Variants in CCDC117 observed in about 807,000 individuals in gnomAD.
CCDC117 encodes the protein coiled-coil domain-containing protein 117.
CCDC117 carries 1 observed loss-of-function variant against 23.5 expected under a neutral mutation model. The ratio of observed to expected loss-of-function variants is 0.04; its 90% CI spans 0.02 to 0.20. CCDC117 has a LOEUF of 0.20. CCDC117 is among the 10% of genes least tolerant of loss of function. The pLI is 1.00. For synonymous variants in CCDC117, 132 were observed against 124.8 expected, an observed-to-expected ratio of 1.06 and a Z score of -0.39; for missense variants, 383 against 348.2, an observed-to-expected ratio of 1.10 and a Z score of -0.80.
rs966107121 is a variant in CCDC117 at position 28,787,758 on chromosome 22, C to T, written c.*1432C>T. The stretch of plus-strand genomic sequence containing the variant: ...TTTCTTTATTGCTACAGAGTATCCT[C>T]TATAAGTTATTAAACGAGTGTAATG... On this transcript the variant is annotated 3_prime_UTR_variant, in exon 5 of 5. Transcript: ENST00000249064. The T allele has an allele frequency of 1.3e-5, 2 of 152,296 alleles. No individual in the cohort carries two copies. The highest frequency in any genetic ancestry group is 2.9e-5 in the Non-Finnish European group (2 of 68,016). 9.4% of individuals were successfully genotyped at this position (152,296 alleles called of 1,614,324 possible).
Position 28,772,917 on chromosome 22 carries a change from C to T in CCDC117, c.68C>T (p.Pro23Leu). 1 of 1,227,642 alleles carries T rather than the reference C, an allele frequency of 8.1e-7. No individual in the cohort carries two copies. The highest frequency in any genetic ancestry group is 1.6e-5 in the African/African-American group (1 of 63,976). The allele number at this position is 1,227,642 out of a possible 1,614,324, so 76.0% of individuals were successfully genotyped here. ...GGCGGCTCGGACTTCCTGCAGCCGC[C>T]GCAGCCGGCCTTCCCCGGCCGGGCC... ...LSGGSDFLQPPQPAFPGRAFP... is the reference protein window; with the variant it reads ...LSGGSDFLQPLQPAFPGRAFP... Residue 23 changes from proline (P) to leucine (L), a missense_variant, in exon 1 of 5, where the codon CCG becomes CTG. Pro to Leu is a moderately conservative substitution (Grantham distance 98). Coordinates refer to ENST00000249064, the MANE Select transcript of CCDC117 (RefSeq NM_173510.4).
Position 28,783,578 on chromosome 22 carries a change from G to C in CCDC117, c.535G>C (p.Asp179His). Reference sequence around the variant, plus strand: ...CCATCTCCCCAGTCTTGTCCTTTCTGATACCATGAAAACAGGTTTGAAGAG... The same window carrying C: ...CCATCTCCCCAGTCTTGTCCTTTCTCATACCATGAAAACAGGTTTGAAGAG... Reference protein sequence around the residue: ...VNHLPSLVLSDTMKTGLKREF... With the variant: ...VNHLPSLVLSHTMKTGLKREF... The change falls in exon 4 of 5, where the codon GAT becomes CAT. Residue 179 changes from aspartate (D) to histidine (H), a missense_variant. Transcript: ENST00000249064. 6.2e-7 allele frequency: 1 copy of C among 1,613,630 alleles called. No homozygotes were observed. Among genetic ancestry groups the C allele is most frequent in the Non-Finnish European group, 8.5e-7 (1 of 1,179,644 alleles).
At position 28,777,339 on chromosome 22, in the gene CCDC117, A is replaced by G. The variant is rs116533415; in HGVS notation, c.239+3561A>G. ...TGAGCCACTGCGCCTGGCCTATTCT[A>G]TATCTTAAATTATATTGTCATCATT... On this transcript the variant is annotated intron_variant, in intron 2 of 4. Coordinates refer to ENST00000249064, the MANE Select transcript of CCDC117 (RefSeq NM_173510.4). Among the ~76,000 whole-genome samples, 575 of 150,958 alleles carry G rather than the reference A, an allele frequency of 3.8e-3. 3 individuals carry two copies. Among genetic ancestry groups the G allele is most frequent in the African/African-American group, 0.013 (542 of 41,036 alleles).
chr22:28,779,769 C>T (rs987068235), intron 2 of CCDC117, among the ~76,000 whole-genome samples: 1 of 152,150 alleles, frequency 6.6e-6, no homozygotes, highest in Non-Finnish European at 1.5e-5. Flanking sequence ...CTTTGGCCCT[C>T]AGTTTAAAGA....
Position 28,786,392 on chromosome 22 carries a change from T to A in CCDC117, c.*66T>A. ...TCCTGTGTTCAGTTATGAGACTCTT[T>A]GCATAGTATAGGGACTTGAAAGTTT... On this transcript the variant is annotated 3_prime_UTR_variant, in exon 5 of 5. Coordinates refer to ENST00000249064, the MANE Select transcript of CCDC117 (RefSeq NM_173510.4). 1 of 1,166,370 alleles carries A rather than the reference T, an allele frequency of 8.6e-7. No homozygotes were observed. The highest frequency in any genetic ancestry group is 1.3e-5 in the South Asian group (1 of 74,730). 72.3% of individuals were successfully genotyped at this position (1,166,370 alleles called of 1,614,324 possible).
At chr22:28,779,757 T>C (rs2031267194) in intron 2 of CCDC117, among the ~76,000 whole-genome samples, 1 of 152,214 alleles carries the variant, frequency 6.6e-6, no homozygotes, top group African/African-American at 2.4e-5. Flanking sequence ...TACATGCCTC[T>C]TCTTTGGCCC....
chr22:28,780,260 T>C (rs2031280337), intron 2 of CCDC117, among the ~76,000 whole-genome samples: 1 of 152,218 alleles, frequency 6.6e-6, no homozygotes, highest in South Asian at 2.1e-4. Flanking sequence ...ACCCCACTAT[T>C]GGTTGGACAC....
intron 4 of CCDC117, among the ~76,000 whole-genome samples, chr22:28,784,397 T>C (rs772806163): frequency 6.6e-6 from 1 of 152,260 alleles, no homozygotes; most frequent in Admixed American, 6.5e-5. Context: ...CATTATTCAC[T>C]ATGTAAAATA....
At chr22:28,778,649 CTT>C (rs1281150814) in intron 2 of CCDC117, among the ~76,000 whole-genome samples, 6 of 152,120 alleles carry the variant, frequency 3.9e-5, no homozygotes, top group African/African-American at 1.4e-4. Context: ...GCGGTTCTCT[CTT>C]AAGATGTTAT....
intron 3 of CCDC117, among the ~76,000 whole-genome samples, chr22:28,781,928 C>G (rs1048221954): frequency 1.5e-4 from 23 of 151,828 alleles, no homozygotes; most frequent in African/African-American, 5.6e-4. Context: ...CAGGCGTGAG[C>G]CACACCACCC....
chr22:28,785,734 G>T (rs973319584), intron 4 of CCDC117, among the ~76,000 whole-genome samples: 12 of 152,030 alleles, frequency 7.9e-5, no homozygotes, highest in African/African-American at 2.9e-4. Flanking sequence ...GTTGAAGTGT[G>T]CAATGTTATG....
chr22:28,784,626 T>G (rs1349595719), intron 4 of CCDC117, among the ~76,000 whole-genome samples: 2 of 152,324 alleles, frequency 1.3e-5, no homozygotes, highest in East Asian at 3.9e-4. Flanking sequence ...TAGGGTCCTA[T>G]CTTGAGCTTA....
chr22:28,781,215 G>A (rs2031306670), intron 3 of CCDC117, 43 bp downstream of exon 3: 1 of 1,157,444 alleles, frequency 8.6e-7, no homozygotes, highest in Non-Finnish European at 1.3e-6. Context: ...CTGTTCTCTT[G>A]TAATAACTCT....
Position 28,786,343 on chromosome 22 carries a change from T to A in CCDC117, c.*17T>A, listed in dbSNP as rs763044376. On this transcript the variant is annotated 3_prime_UTR_variant, in exon 5 of 5. Transcript: ENST00000249064. The stretch of plus-strand genomic sequence containing the variant: ...GAACTCTAGAAACCAATTTCTACAC[T>A]AAAGTTGTCAAATGTTAGAAGAATC... 1.3e-6 allele frequency: 2 copies of A among 1,556,714 alleles called. No homozygotes were observed. Among genetic ancestry groups the A allele is most frequent in the Admixed American group, 1.7e-5 (1 of 58,842 alleles).
chr22:28,776,758 A>G (rs985430219), intron 2 of CCDC117, among the ~76,000 whole-genome samples: 4 of 151,734 alleles, frequency 2.6e-5, no homozygotes, highest in East Asian at 2.0e-4. Flanking sequence ...CTAATTTTGC[A>G]TTTTTAGTAG....
At chr22:28,784,829 G>A (rs1295752624) in intron 4 of CCDC117, among the ~76,000 whole-genome samples, 1 of 152,128 alleles carries the variant, frequency 6.6e-6, no homozygotes, top group Non-Finnish European at 1.5e-5. Context: ...GGAGTGCAGT[G>A]GCCTGATCTT....
chr22:28,784,550 A>G (rs1164174983), intron 4 of CCDC117, among the ~76,000 whole-genome samples: 3 of 152,198 alleles, frequency 2.0e-5, no homozygotes, highest in Admixed American at 6.5e-5. Context: ...ACCTTTGGAT[A>G]CAGTGGAGAT....
intron 2 of CCDC117, among the ~76,000 whole-genome samples, chr22:28,775,018 C>G (rs1352099200): frequency 6.6e-6 from 1 of 152,164 alleles, no homozygotes; most frequent in Non-Finnish European, 1.5e-5. Context: ...AATCCCAGCA[C>G]TTTGGGAGGC....
chr22:28,776,211 C>G (rs1247685468), intron 2 of CCDC117, among the ~76,000 whole-genome samples: 1 of 152,054 alleles, frequency 6.6e-6, no homozygotes, highest in African/African-American at 2.4e-5. Flanking sequence ...GAATTCAAGA[C>G]CAGCCTGGCC....
Sources: gnomAD v4.1 joint callset for allele counts (sites outside exome capture counted in the v4.1 genomes callset) on GRCh38, gnomAD v4.1.1 for gene constraint, MANE v1.5 for transcripts, NCBI Gene and HGNC (gene_info 2026-07-23, HGNC 2026-07-21) for gene names.